The following P3H2 variants were observed in gnomAD, a reference collection of about 807,000 sequenced individuals.
P3H2 encodes the protein leprecan-like 1.
Under a neutral mutation model 87.0 loss-of-function variants are expected in P3H2, and 80 were observed. The ratio of observed to expected loss-of-function variants is 0.92; its 90% confidence interval spans 0.77 to 1.11. P3H2 has a LOEUF of 1.11. Ranked by LOEUF, P3H2 falls within the 50% of genes least tolerant of loss-of-function variation. P3H2 has a pLI of 0.00. For missense variants in P3H2, 1,001 were observed against 923.9 expected (o/e 1.08, Z -1.08); for synonymous variants, 367 against 359.3 (o/e 1.02, Z -0.24).
intron 1 of P3H2, among the ~76,000 whole-genome samples, chr3:190,047,041 CA>C (rs141935082): frequency 9.4e-5 from 8 of 84,764 alleles, no homozygotes; most frequent in Non-Finnish European, 2.3e-4. Context: ...GCAAACAAAA[CA>C]AAACAAAAAA....
chr3:190,095,537 T>G (rs966469317), intron 1 of P3H2, among the ~76,000 whole-genome samples: 1 of 149,744 alleles, frequency 6.7e-6, no homozygotes, highest in African/African-American at 2.4e-5. Flanking sequence ...AAGAGAGAGC[T>G]AAGTCCATGA....
At chr3:189,980,250 T>C (rs1164572128) in intron 8 of P3H2, among the ~76,000 whole-genome samples, 1 of 152,158 alleles carries the variant, frequency 6.6e-6, no homozygotes, top group Non-Finnish European at 1.5e-5. Flanking sequence ...CTCCCTGACA[T>C]CCCCTTTTAG....
rs189268434 is a variant in P3H2 at position 190,098,559 on chromosome 3, A to G, written c.480+21693T>C. On this transcript the variant is annotated intron_variant, in intron 1 of 14. Coordinates refer to ENST00000319332, the MANE Select transcript of P3H2 (RefSeq NM_018192.4). ...AAGCTGTTACTATTCTAAGTGCCTA[A>G]CTTGTATTCACTAATGAAATCCTCG... is the stretch of plus-strand genomic sequence containing the variant. Among the ~76,000 whole-genome samples the G allele has an allele frequency of 9.3e-4, 141 of 152,300 alleles. No homozygotes were observed. In the Middle Eastern group the frequency reaches 0.014, roughly 15 times the overall value.
intron 1 of P3H2, among the ~76,000 whole-genome samples, chr3:190,027,586 T>C (rs936184420): frequency 6.6e-6 from 1 of 151,880 alleles, no homozygotes; most frequent in African/African-American, 2.4e-5. Flanking sequence ...AGTAGATATT[T>C]AGATATAGGT....
chr3:190,016,411 T>G (rs1051183899), intron 1 of P3H2, among the ~76,000 whole-genome samples: 5 of 152,046 alleles, frequency 3.3e-5, no homozygotes, highest in Admixed American at 1.3e-4. Context: ...GCCCAGCTAA[T>G]TTTTTGTAAT....
At chr3:190,103,334 C>A (rs577696134) in intron 1 of P3H2, among the ~76,000 whole-genome samples, 1 of 152,170 alleles carries the variant, frequency 6.6e-6, no homozygotes, top group Non-Finnish European at 1.5e-5. Context: ...AAGATTCACA[C>A]ACAATAATCT....
intron 1 of P3H2, among the ~76,000 whole-genome samples, chr3:190,099,093 T>C (rs895633165): frequency 6.6e-6 from 1 of 152,136 alleles, no homozygotes; most frequent in Non-Finnish European, 1.5e-5. Flanking sequence ...ATAAGAATAA[T>C]AACAAATACT....
At chr3:190,027,325 A>G (rs995809160) in intron 1 of P3H2, among the ~76,000 whole-genome samples, 13 of 152,230 alleles carry the variant, frequency 8.5e-5, no homozygotes, top group African/African-American at 3.1e-4. Flanking sequence ...GTGGCATTTT[A>G]TCTCTGTGTT....
At chr3:190,046,489 T>C (rs892162404) in intron 1 of P3H2, among the ~76,000 whole-genome samples, 2 of 152,126 alleles carry the variant, frequency 1.3e-5, no homozygotes, top group Non-Finnish European at 2.9e-5. Flanking sequence ...TGGTAGATGA[T>C]GATGAAGAGA....
Position 190,041,037 on chromosome 3 carries a change from TACACACACACACAC to T in P3H2, c.481-45609_481-45596del, listed in dbSNP as rs1202716732. On this transcript the variant is annotated intron_variant, in intron 1 of 14. Coordinates refer to ENST00000319332, the MANE Select transcript of P3H2 (RefSeq NM_018192.4). ...TGGCTCTACTATATATATATATATA[TACACACACACACAC>T]ACACACACACACACACACACACACA... Among the ~76,000 whole-genome samples, 104 of 49,324 alleles carry T rather than the reference TACACACACACACAC, an allele frequency of 2.1e-3. 4 individuals are homozygous for T. The highest frequency in any genetic ancestry group is 4.7e-3 in the African/African-American group (81 of 17,266). 32.4% of individuals were successfully genotyped at this position (49,324 alleles called of 152,430 possible). A position where few individuals can be genotyped will look rare whatever the true frequency, so the allele number is the denominator to read the frequency against.
chr3:190,030,990 C>A (rs1725234997), intron 1 of P3H2, among the ~76,000 whole-genome samples: 1 of 152,176 alleles, frequency 6.6e-6, no homozygotes, highest in South Asian at 2.1e-4. Context: ...GTAGTGAATG[C>A]TTTTTCAAGT....
chr3:189,969,977 G>T (rs1028025357), intron 13 of P3H2: 11 of 619,740 alleles, frequency 1.8e-5, no homozygotes, highest in Non-Finnish European at 3.0e-5. Flanking sequence ...ATGCTCTTTG[G>T]CTTGAAGACC....
At position 189,984,606 on chromosome 3, in the gene P3H2, T is replaced by TAA; in HGVS notation, c.1189-18_1189-17dup. The TAA allele has an allele frequency of 1.4e-6, 2 of 1,400,134 alleles. No homozygotes were observed. The highest frequency in any genetic ancestry group is 9.9e-7 in the Non-Finnish European group (1 of 1,007,204). The allele number at this position is 1,400,134 out of a possible 1,614,324, so 86.7% of individuals were successfully genotyped here. ...TCCAATAATTCTGTTTTGAATCGAGTAAAAAAAAAAATGCAGTAATTTTGT... is the reference window on the plus strand; with the variant it reads ...TCCAATAATTCTGTTTTGAATCGAGTAAAAAAAAAAAAATGCAGTAATTTTGT... On this transcript the variant is annotated splice_polypyrimidine_tract_variant and intron_variant, in intron 6 of 14. Coordinates refer to ENST00000319332, the MANE Select transcript of P3H2 (RefSeq NM_018192.4).
chr3:190,120,105 C>G (rs1481426497), intron 1 of P3H2, 147 bp downstream of exon 1: 3 of 898,706 alleles, frequency 3.3e-6, no homozygotes, highest in Non-Finnish European at 3.4e-6. Flanking sequence ...ATAGGGCCAC[C>G]AGATATCTGG....
intron 1 of P3H2, among the ~76,000 whole-genome samples, chr3:190,027,549 A>C (rs1318934549): frequency 6.6e-6 from 1 of 152,078 alleles, no homozygotes; most frequent in African/African-American, 2.4e-5. Context: ...GGGCTTGTAC[A>C]TATTTGTTGT....
intron 1 of P3H2, among the ~76,000 whole-genome samples, chr3:190,100,912 T>G (rs1373497589): frequency 2.0e-5 from 3 of 152,136 alleles, no homozygotes; most frequent in Non-Finnish European, 2.9e-5. Context: ...AGTGCCACTT[T>G]TCCAACAGCA....
Position 189,984,693 on chromosome 3 carries a change from C to G in P3H2, c.1189-103G>C, listed in dbSNP as rs7610594. 3.5e-5 allele frequency: 29 copies of G among 824,584 alleles called. 1 individual carries two copies. In the African/African-American group the frequency reaches 4.6e-4, roughly 13 times the overall value. 51.1% of individuals were successfully genotyped at this position (824,584 alleles called of 1,614,324 possible). On this transcript the variant is annotated intron_variant, in intron 6 of 14. Transcript: ENST00000319332. ...AATATGCACAAAACATTCAAAAGAT[C>G]TATAATTTAGGAATTTTGCATATTG...
chr3:190,030,431 G>A (rs768063373), intron 1 of P3H2, among the ~76,000 whole-genome samples: 6 of 152,118 alleles, frequency 3.9e-5, no homozygotes, highest in Admixed American at 2.0e-4. Flanking sequence ...TTAGCTGGGC[G>A]TGATGGCACG....
At chr3:189,984,419 C>G (rs1010920571) in intron 7 of P3H2, 131 bp downstream of exon 7, 4 of 737,120 alleles carry the variant, frequency 5.4e-6, no homozygotes, top group Non-Finnish European at 9.5e-6. Context: ...TGTAGAGCTC[C>G]TAATTCAGAG....
Sources: allele counts gnomAD v4.1 joint callset (sites outside exome capture counted in the v4.1 genomes callset), GRCh38; gene constraint gnomAD v4.1.1; transcripts MANE v1.5; gene names NCBI Gene and HGNC (gene_info 2026-07-23, HGNC 2026-07-21).